The following ZSCAN5A variants were observed in gnomAD, a reference collection of about 807,000 sequenced individuals.
The protein encoded by ZSCAN5A is zinc finger and SCAN domain-containing protein 5A.
Under a neutral mutation model 23.7 loss-of-function variants are expected in ZSCAN5A, and 12 were observed. The observed-to-expected ratio is 0.51, with a 90% CI of 0.32 to 0.82. The LOEUF is 0.82. ZSCAN5A is among the 40% of genes least tolerant of loss of function. The probability of loss-of-function intolerance (pLI) is 0.03; values close to 1 mark genes in which losing one functional copy is unlikely to be tolerated. For synonymous variants in ZSCAN5A, 257 were observed against 239.9 expected, an observed-to-expected ratio of 1.07 and a Z score of -0.66; for missense variants, 597 against 617.9, an observed-to-expected ratio of 0.97 and a Z score of 0.36.
chr19:56,343,421 G>A, intron 2 of ZSCAN5A: 2 of 518,148 alleles, frequency 3.9e-6, no homozygotes, highest in Admixed American at 4.4e-5. Flanking sequence ...CAAAGCCATG[G>A]TACGAAAAAA....
chr19:56,295,186 T>A (rs1010845123), intron 2 of ZSCAN5A: 1 of 152,198 alleles, frequency 6.6e-6, no homozygotes, highest in Non-Finnish European at 1.5e-5. Context: ...TATATTAATA[T>A]ACCAGTCAAG....
intron 2 of ZSCAN5A, among the ~76,000 whole-genome samples, chr19:56,244,678 C>A (rs55885127): frequency 0.59 from 83,601 of 140,658 alleles, 25,470 homozygotes; most frequent in Non-Finnish European, 0.69. Flanking sequence ...TTCCAGATTC[C>A]AATATCAGCT....
intron 2 of ZSCAN5A, chr19:56,281,683 C>A (rs2038717123): frequency 1.0e-6 from 1 of 985,180 alleles, no homozygotes; most frequent in African/African-American, 1.7e-5. Context: ...GGCTCTGCTG[C>A]CCCTTCCAGT....
chr19:56,302,393 CCCTA>C (rs1472184221), intron 2 of ZSCAN5A, among the ~76,000 whole-genome samples: 3 of 144,406 alleles, frequency 2.1e-5, no homozygotes, highest in Non-Finnish European at 4.6e-5. Context: ...TCTCCTCCCT[CCCTA>C]TTCTTTCCTC....
intron 2 of ZSCAN5A, chr19:56,246,486 T>C (rs1399151902): frequency 1.6e-6 from 1 of 635,584 alleles, no homozygotes; most frequent in African/African-American, 1.8e-5. Context: ...AAGACTTGGA[T>C]CCACAGGGGT....
rs886463188 is a variant in ZSCAN5A, at chr19:56,362,686, G to A, written c.-358+549C>T. ...AGATTAAGACCATCCTGGCTAACAC[G>A]GTAAAACCCCGTCTCTACTGAAAAA... On this transcript the variant is annotated intron_variant, in intron 2 of 6. Transcript: ENST00000587340. Among the ~76,000 whole-genome samples the A allele has an allele frequency of 4.6e-5, 7 of 152,030 alleles. No homozygotes were observed. In the South Asian group the frequency reaches 1.0e-3, roughly 23 times the overall value.
chr19:56,251,314 C>T (rs2036324788), intron 2 of ZSCAN5A, among the ~76,000 whole-genome samples: 1 of 152,102 alleles, frequency 6.6e-6, no homozygotes. Context: ...ATTTTTGGTG[C>T]TTTTCTGTGT....
At chr19:56,322,457 C>T (rs1470243864) in intron 2 of ZSCAN5A, 5 of 551,956 alleles carry the variant, frequency 9.1e-6, no homozygotes, top group African/African-American at 5.7e-5. Flanking sequence ...TCAGAGCCCT[C>T]GCCTGGCTTT....
chr19:56,336,356 T>C (rs1442114063), intron 2 of ZSCAN5A, among the ~76,000 whole-genome samples: 1 of 152,248 alleles, frequency 6.6e-6, no homozygotes, highest in Non-Finnish European at 1.5e-5. Flanking sequence ...GCTGATACTC[T>C]TTCTTCCAGT....
chr19:56,350,994 C>G (rs938849669), intron 2 of ZSCAN5A, among the ~76,000 whole-genome samples: 1 of 151,898 alleles, frequency 6.6e-6, no homozygotes, highest in African/African-American at 2.4e-5. Flanking sequence ...ATTGCTGTCC[C>G]CCCCCAACCA....
chr19:56,244,076 G>T, intron 2 of ZSCAN5A: 2 of 1,233,118 alleles, frequency 1.6e-6, no homozygotes, highest in Admixed American at 1.9e-5. Context: ...ATGGGGTCAG[G>T]GAGGACCCTG....
At position 56,321,423 on chromosome 19, in the gene ZSCAN5A, G is replaced by C. The variant is rs1032679075; in HGVS notation, c.-357-5155C>G. On this transcript the variant is annotated intron_variant, in intron 2 of 6. Coordinates refer to the ZSCAN5A transcript ENST00000587340. The stretch of plus-strand genomic sequence containing the variant: ...CCTTATCATCTATTTTGCACACAGA[G>C]TCTGTGAAATGTCCAACGGCATTGA... 1.4e-5 allele frequency: 9 copies of C among 664,962 alleles called. No homozygotes were observed. The African/African-American group carries it at 1.6e-4, about 12-fold the overall frequency. The allele number at this position is 664,962 out of a possible 1,614,324, so 41.2% of individuals were successfully genotyped here.
At chr19:56,362,094 C>T (rs1036012218) in intron 2 of ZSCAN5A, among the ~76,000 whole-genome samples, 84 of 147,390 alleles carry the variant, frequency 5.7e-4, no homozygotes, top group African/African-American at 2.0e-3. Flanking sequence ...GGAGGCGGAG[C>T]TTGCAGTGAG....
At chr19:56,251,225 C>T (rs1173988038) in intron 2 of ZSCAN5A, among the ~76,000 whole-genome samples, 8 of 151,684 alleles carry the variant, frequency 5.3e-5, no homozygotes, top group Admixed American at 5.3e-4. Flanking sequence ...TCAGGAAGAC[C>T]CTTCTGTATT....
chr19:56,286,840 G>T (rs142722611), intron 2 of ZSCAN5A, among the ~76,000 whole-genome samples: 63 of 152,352 alleles, frequency 4.1e-4, no homozygotes, highest in African/African-American at 1.4e-3. Context: ...TGCTAGAGAT[G>T]CCCGGCAGAG....
intron 2 of ZSCAN5A, among the ~76,000 whole-genome samples, chr19:56,233,053 G>C (rs2034599929): frequency 6.6e-6 from 1 of 152,186 alleles, no homozygotes; most frequent in Non-Finnish European, 1.5e-5. Flanking sequence ...CTCTATGAAG[G>C]CAGAGGCATT....
At chr19:56,240,040 TA>T (rs1418918967) in intron 2 of ZSCAN5A, among the ~76,000 whole-genome samples, 2 of 152,084 alleles carry the variant, frequency 1.3e-5, no homozygotes, top group Non-Finnish European at 2.9e-5. Context: ...CGGGCACCTG[TA>T]ATCCCAGCTA....
chr19:56,346,571 C>G, intron 2 of ZSCAN5A, among the ~76,000 whole-genome samples: 1 of 151,528 alleles, frequency 6.6e-6, no homozygotes, highest in East Asian at 1.9e-4. Flanking sequence ...CAGAGTTGTA[C>G]AGCAAAATAA....
chr19:56,279,664 C>T (rs1230671998), intron 2 of ZSCAN5A, among the ~76,000 whole-genome samples: 1 of 152,134 alleles, frequency 6.6e-6, no homozygotes, highest in African/African-American at 2.4e-5. Context: ...AATCCCCACA[C>T]CAGACTTGGT....
Sources: allele counts gnomAD v4.1 joint callset (sites outside exome capture counted in the v4.1 genomes callset), GRCh38; gene constraint gnomAD v4.1.1; transcripts MANE v1.5; gene names NCBI Gene and HGNC (gene_info 2026-07-23, HGNC 2026-07-21).